The following LIMCH1 variants were observed in gnomAD, a reference collection of about 807,000 sequenced individuals.
The protein encoded by LIMCH1 is LIM and calponin homology domains 1, also known as LIM and calponin homology domains-containing protein 1.
A neutral mutation model predicts 176.5 loss-of-function variants in LIMCH1; 113 were observed. The observed-to-expected ratio is 0.64, with a 90% CI of 0.55 to 0.75. The LOEUF (loss-of-function observed/expected upper bound fraction) is 0.75. Ranked by LOEUF, LIMCH1 falls within the 30% of genes least tolerant of loss-of-function variation. The pLI is 0.00. For missense variants in LIMCH1, 1,674 were observed against 1,814.9 expected (o/e 0.92, Z 1.41); for synonymous variants, 619 against 645.9 (o/e 0.96, Z 0.63).
intron 1 of LIMCH1, among the ~76,000 whole-genome samples, chr4:41,363,649 A>G (rs2052512343): frequency 6.6e-6 from 1 of 152,254 alleles, no homozygotes; most frequent in East Asian, 1.9e-4. Context: ...AGCCTTGGCT[A>G]TTTGAGGACC....
intron 3 of LIMCH1, 32 bp from the exon 4 acceptor site, chr4:41,605,861 GA>G (rs757364510): frequency 7.1e-7 from 1 of 1,402,144 alleles, no homozygotes; most frequent in Admixed American, 1.7e-5. Flanking sequence ...ATTCTTGAGG[GA>G]AAAATCTGCT....
chr4:41,481,848 TG>T (rs1480610272), intron 1 of LIMCH1, among the ~76,000 whole-genome samples: 1 of 150,948 alleles, frequency 6.6e-6, no homozygotes, highest in African/African-American at 2.5e-5. Context: ...GTGAAATAGT[TG>T]TTTTTTTTTT....
intron 5 of LIMCH1, among the ~76,000 whole-genome samples, chr4:41,616,576 T>C (rs1352964442): frequency 6.6e-6 from 1 of 151,936 alleles, no homozygotes; most frequent in Non-Finnish European, 1.5e-5. Context: ...CATCATCACA[T>C]GCTAGATTAC....
intron 1 of LIMCH1, among the ~76,000 whole-genome samples, chr4:41,541,843 G>A (rs1252469161): frequency 6.6e-6 from 1 of 152,188 alleles, no homozygotes; most frequent in African/African-American, 2.4e-5. Context: ...CGTTTCTGTG[G>A]GAGGTGCTGG....
chr4:41,609,595 T>G, intron 4 of LIMCH1: 1 of 450,844 alleles, frequency 2.2e-6, no homozygotes, highest in South Asian at 1.6e-5. Flanking sequence ...CAGAAACTGT[T>G]AAGTCATCCA....
At chr4:41,651,971 G>C (rs1014443285) in intron 18 of LIMCH1, among the ~76,000 whole-genome samples, 1 of 152,160 alleles carries the variant, frequency 6.6e-6, no homozygotes, top group East Asian at 1.9e-4. Flanking sequence ...CCTGCTTTCG[G>C]GGTACGGGCT....
intron 31 of LIMCH1, 85 bp downstream of exon 31, chr4:41,692,469 TC>T: frequency 1.2e-6 from 1 of 839,312 alleles, no homozygotes; most frequent in Non-Finnish European, 2.0e-6. Context: ...CAAATATTTT[TC>T]CCCAGCCGTT....
chr4:41,454,447 G>GA (rs2064279273), intron 1 of LIMCH1, among the ~76,000 whole-genome samples: 1 of 150,994 alleles, frequency 6.6e-6, no homozygotes, highest in South Asian at 2.1e-4. Context: ...TGGATGATGA[G>GA]GGGGAGAGAG....
intron 31 of LIMCH1, chr4:41,693,215 A>C (rs1727714531): frequency 1.3e-5 from 2 of 152,326 alleles, no homozygotes; most frequent in African/African-American, 4.8e-5. Context: ...ACTCTTTTAA[A>C]AAATTGGAGT....
intron 1 of LIMCH1, among the ~76,000 whole-genome samples, chr4:41,442,170 T>C (rs1037081990): frequency 6.6e-6 from 1 of 152,108 alleles, no homozygotes; most frequent in South Asian, 2.1e-4. Flanking sequence ...TGTGGTGGTA[T>C]GCACCTGTAG....
rs560460429 is a variant in LIMCH1 at position 41,528,653 on chromosome 4, C to A, written c.237+4175C>A. On this transcript the variant is annotated intron_variant, in intron 3 of 26. Coordinates refer to the LIMCH1 transcript ENST00000313860. ...ATCAAGAAGTCCATAGTAGCAGGGG[C>A]CATAGAGATCTGAGAAGTGTGGCCA... Among the ~76,000 whole-genome samples the A allele has an allele frequency of 4.6e-5, 7 of 152,182 alleles. No homozygotes were observed. The South Asian group carries it at 1.5e-3, about 32-fold the overall frequency.
intron 4 of LIMCH1, 94 bp from the exon 5 acceptor site, chr4:41,613,372 T>C (rs2091694209): frequency 2.9e-6 from 3 of 1,030,988 alleles, no homozygotes; most frequent in Non-Finnish European, 4.3e-6. Flanking sequence ...TGATGTGATA[T>C]GCAGGGGTTT....
intron 7 of LIMCH1, among the ~76,000 whole-genome samples, chr4:41,621,098 G>A (rs777253510): frequency 6.6e-6 from 1 of 152,130 alleles, no homozygotes; most frequent in Non-Finnish European, 1.5e-5. Flanking sequence ...GCTTTGAAAT[G>A]GGGAACACTC....
intron 1 of LIMCH1, among the ~76,000 whole-genome samples, chr4:41,436,941 A>G (rs2062148917): frequency 6.6e-6 from 1 of 152,178 alleles, no homozygotes; most frequent in Non-Finnish European, 1.5e-5. Context: ...TCTCCTAGGT[A>G]ATATGTCAAA....
intron 8 of LIMCH1, among the ~76,000 whole-genome samples, chr4:41,627,595 A>G (rs1405199514): frequency 1.3e-5 from 2 of 152,246 alleles, no homozygotes; most frequent in Non-Finnish European, 2.9e-5. Flanking sequence ...GTTCTGTCAT[A>G]GAAATTGTTT....
At chr4:41,409,505 A>G (rs996476638) in intron 1 of LIMCH1, among the ~76,000 whole-genome samples, 3 of 152,194 alleles carry the variant, frequency 2.0e-5, no homozygotes, top group African/African-American at 7.2e-5. Context: ...TTGGGAAAAT[A>G]TTGACTGTTT....
At chr4:41,380,461 A>G (rs1203099291) in intron 1 of LIMCH1, among the ~76,000 whole-genome samples, 4 of 150,838 alleles carry the variant, frequency 2.7e-5, no homozygotes, top group Admixed American at 1.3e-4. Context: ...ATTTGATTTG[A>G]TATTTTCTTT....
chr4:41,426,263 C>T (rs577328132), intron 1 of LIMCH1, among the ~76,000 whole-genome samples: 85 of 151,944 alleles, frequency 5.6e-4, no homozygotes, highest in Non-Finnish European at 1.0e-3. Flanking sequence ...CCTCGTGATC[C>T]GCCCGCCTCG....
chr4:41,669,433 T>G (rs2153004123), intron 21 of LIMCH1, among the ~76,000 whole-genome samples: 1 of 151,842 alleles, frequency 6.6e-6, no homozygotes, highest in African/African-American at 2.4e-5. Context: ...GGAGATCGGG[T>G]TTTTCACTGT....
Sources: allele counts gnomAD v4.1 joint callset (sites outside exome capture counted in the v4.1 genomes callset), GRCh38; gene constraint gnomAD v4.1.1; transcripts MANE v1.5; gene names NCBI Gene and HGNC (gene_info 2026-07-23, HGNC 2026-07-21).